The following CCDC174 variants were observed in gnomAD, a reference collection of about 807,000 sequenced individuals.
CCDC174 encodes coiled-coil domain-containing protein 174.
CCDC174 carries 37 observed loss-of-function variants against 57.1 expected under a neutral mutation model. The observed-to-expected ratio is 0.65, with a 90% CI of 0.50 to 0.85. CCDC174 has a LOEUF of 0.85. CCDC174 is among the 40% of genes least tolerant of loss of function. CCDC174 has a pLI of 0.00. For missense variants in CCDC174, 540 were observed against 574.3 expected, an observed-to-expected ratio of 0.94 and a Z score of 0.61; for synonymous variants, 182 against 190.2, an observed-to-expected ratio of 0.96 and a Z score of 0.35.
Position 14,671,104 on chromosome 3 carries a change from C to T in CCDC174, c.1314C>T (p.Pro438=). The T allele has an allele frequency of 1.2e-6, 2 of 1,614,178 alleles. No homozygotes were observed. The highest frequency in any genetic ancestry group is 1.7e-6 in the Non-Finnish European group (2 of 1,180,010). ...GACCTAGCCCTGAACATACGTCACC[C>T]ACTCCTGCCCCCGACAACCCACCAC... ...SHGPSPEHTS[P]TPAPDNPPQA... Residue 438 remains proline, a synonymous_variant, in exon 11 of 11, where the codon CCC becomes CCT. Coordinates refer to ENST00000383794, the MANE Select transcript of CCDC174 (RefSeq NM_016474.5).
intron 7 of CCDC174, chr3:14,667,205 G>A (rs900509506): frequency 2.8e-5 from 17 of 614,370 alleles, no homozygotes; most frequent in Admixed American, 6.0e-5. Context: ...GAAAGCAAAC[G>A]AACCCTTGTT....
intron 4 of CCDC174, among the ~76,000 whole-genome samples, chr3:14,659,408 T>G (rs1251969266): frequency 6.6e-6 from 1 of 152,222 alleles, no homozygotes; most frequent in Non-Finnish European, 1.5e-5. Flanking sequence ...TAAATCTGTT[T>G]GGGTGTAGTG....
intron 5 of CCDC174, 72 bp from the exon 6 acceptor site, chr3:14,664,956 C>A: frequency 9.3e-7 from 1 of 1,079,856 alleles, no homozygotes; most frequent in Non-Finnish European, 1.4e-6. Context: ...CTTCACTGTT[C>A]ACCTACTCCC....
intron 5 of CCDC174, among the ~76,000 whole-genome samples, chr3:14,662,461 T>A (rs1242415050): frequency 1.3e-5 from 2 of 151,988 alleles, no homozygotes; most frequent in African/African-American, 4.8e-5. Flanking sequence ...TGTAGATGAA[T>A]GATAGAAGAA....
At chr3:14,670,162 G>C in intron 10 of CCDC174, 76 bp downstream of exon 10, 1 of 1,468,196 alleles carries the variant, frequency 6.8e-7, no homozygotes, top group Non-Finnish European at 9.2e-7. Context: ...AGCACTTGGG[G>C]TAAGTTTTAA....
Position 14,671,253 on chromosome 3 carries a change from G to A in CCDC174, c.*59G>A, listed in dbSNP as rs2031501275. The A allele has an allele frequency of 2.0e-6, 3 of 1,489,328 alleles. No homozygotes were observed. The highest frequency in any genetic ancestry group is 1.3e-5 in the South Asian group (1 of 78,950). The allele number at this position is 1,489,328 out of a possible 1,614,324, so 92.3% of individuals were successfully genotyped here. ...TGACAGTGCCTTTCTCTCCCAGAGGGAGAAATAACTTTAGGAACTGAATTG... is the reference window on the plus strand; with the variant it reads ...TGACAGTGCCTTTCTCTCCCAGAGGAAGAAATAACTTTAGGAACTGAATTG... On this transcript the variant is annotated 3_prime_UTR_variant, in exon 11 of 11. Coordinates refer to ENST00000383794, the MANE Select transcript of CCDC174 (RefSeq NM_016474.5).
In CCDC174 at chr3:14,661,612, C is replaced by T. The variant is rs191318069; in HGVS notation, c.390C>T (p.Ala130=). ...DKRKEMEASG[A]HRDSQKAGER... ...GCAAAGAAATGGAGGCATCTGGTGCCCATAGAGATTCTCAAAAGGCAGGAG... is the reference window on the plus strand; with the variant it reads ...GCAAAGAAATGGAGGCATCTGGTGCTCATAGAGATTCTCAAAAGGCAGGAG... Residue 130 remains alanine (A), a synonymous_variant, in exon 5 of 11, where the codon GCC becomes GCT. Transcript: ENST00000383794. 19 of 1,614,108 alleles carry T rather than the reference C, an allele frequency of 1.2e-5. No individual in the cohort carries two copies. In the East Asian group the frequency reaches 3.6e-4, roughly 30 times the overall value.
At chr3:14,662,926 A>G (rs1170878023) in intron 5 of CCDC174, among the ~76,000 whole-genome samples, 1 of 152,212 alleles carries the variant, frequency 6.6e-6, no homozygotes, top group Admixed American at 6.5e-5. Context: ...CTGTCTTAAA[A>G]ACTTAGATCT....
At chr3:14,662,254 T>C (rs926894914) in intron 5 of CCDC174, among the ~76,000 whole-genome samples, 42 of 152,118 alleles carry the variant, frequency 2.8e-4, no homozygotes, top group African/African-American at 1.0e-3. Flanking sequence ...TCAGGTTCCT[T>C]AGTCTTTGAG....
rs1379058464 is a variant in CCDC174 at position 14,656,358 on chromosome 3, C to T, written c.248+729C>T. 2.6e-5 allele frequency among the ~76,000 whole-genome samples: 4 copies of T among 152,174 alleles called. No homozygotes were observed. In the East Asian group the frequency reaches 7.7e-4, roughly 29 times the overall value. On this transcript the variant is annotated intron_variant, in intron 3 of 10. Transcript: ENST00000383794. ...CTGTTTAGTCTTCTTTAATCTAGAA[C>T]TGTTCCCTTGCCTTTTGGTTGTCTG...
intron 9 of CCDC174, among the ~76,000 whole-genome samples, chr3:14,668,497 C>T (rs2031412655): frequency 6.6e-6 from 1 of 152,076 alleles, no homozygotes; most frequent in Admixed American, 6.5e-5. Flanking sequence ...ATGTTTTAGA[C>T]TTAAATTTTT....
In CCDC174 at chr3:14,658,914, A is replaced by G; in HGVS notation, c.292A>G (p.Lys98Glu). 3 of 1,525,386 alleles carry G rather than the reference A, an allele frequency of 2.0e-6. No homozygotes were observed. Among genetic ancestry groups the G allele is most frequent in the Non-Finnish European group, 2.7e-6 (3 of 1,113,128 alleles). 94.5% of individuals were successfully genotyped at this position (1,525,386 alleles called of 1,614,324 possible). Residue 98 changes from lysine to glutamate, a missense_variant, in exon 4 of 11, where the codon AAA becomes GAA. Transcript: ENST00000383794. ...AGCCAAATTATATGAAAAAATGACT[A>G]AAGGAGACTTTATAGGTAAATAAAA... ...EKAKLYEKMT[K>E]GDFIDEEVED...
chr3:14,655,163 TAGTC>T (rs1440408296), intron 2 of CCDC174, among the ~76,000 whole-genome samples: 3 of 151,954 alleles, frequency 2.0e-5, no homozygotes, highest in South Asian at 2.1e-4. Context: ...AAAAAAAAAT[TAGTC>T]AGGCATGGTG....
chr3:14,652,059 G>C (rs768846326), intron 1 of CCDC174, among the ~76,000 whole-genome samples, 181 bp downstream of exon 1: 15 of 152,104 alleles, frequency 9.9e-5, no homozygotes, highest in Non-Finnish European at 1.3e-4. Flanking sequence ...TTTCTTACAG[G>C]ACCCTGAATT....
chr3:14,663,304 G>A (rs2031214232), intron 5 of CCDC174, among the ~76,000 whole-genome samples: 1 of 152,184 alleles, frequency 6.6e-6, no homozygotes, highest in Non-Finnish European at 1.5e-5. Context: ...ACCACGCCTG[G>A]CCTATCATTT....
chr3:14,661,316 A>T (rs1011025998), intron 4 of CCDC174, among the ~76,000 whole-genome samples: 1 of 147,414 alleles, frequency 6.8e-6, no homozygotes, highest in South Asian at 2.4e-4. Context: ...TGATGAGGCA[A>T]TAGAAAACTT....
chr3:14,651,922 G>C, intron 1 of CCDC174, 44 bp downstream of exon 1: 1 of 1,591,852 alleles, frequency 6.3e-7, no homozygotes, highest in South Asian at 1.1e-5. Flanking sequence ...CGGGTTCACC[G>C]TGTCTCCATC....
chr3:14,655,525 C>T lies in CCDC174; in HGVS notation c.148-4C>T. 1 of 1,593,274 alleles carries T rather than the reference C, an allele frequency of 6.3e-7. No homozygotes were observed. Among genetic ancestry groups the T allele is most frequent in the African/African-American group, 1.4e-5 (1 of 73,680 alleles). ...CTGTTTTGTCTTCTAAAATTATTCT[C>T]CAGAAACCAAGTATCTGGAGCAAAC... On this transcript the variant is annotated splice_polypyrimidine_tract_variant and splice_region_variant and intron_variant, in intron 2 of 10. Transcript: ENST00000383794.
rs1167538306 is a variant in CCDC174 at position 14,661,568 on chromosome 3, CAGA to C, written c.350_352del (p.Lys117del). 2 of 1,613,836 alleles carry C rather than the reference CAGA, an allele frequency of 1.2e-6. No homozygotes were observed. The highest frequency in any genetic ancestry group is 1.7e-6 in the Non-Finnish European group (2 of 1,179,968). On this transcript the variant is annotated inframe_deletion, in exon 5 of 11. Coordinates refer to ENST00000383794, the MANE Select transcript of CCDC174 (RefSeq NM_016474.5). The stretch of plus-strand genomic sequence containing the variant: ...GGATATGTACCTTGTGGATTTCACA[CAGA>C]AGATCATAGACAAGCGCAAAGAAAT...
Sources: gnomAD v4.1 joint callset for allele counts (sites outside exome capture counted in the v4.1 genomes callset) on GRCh38, gnomAD v4.1.1 for gene constraint, MANE v1.5 for transcripts, NCBI Gene and HGNC (gene_info 2026-07-23, HGNC 2026-07-21) for gene names.